The following SPICE1 variants were observed in gnomAD, a reference collection of about 807,000 sequenced individuals.
SPICE1 encodes spindle and centriole associated protein 1, also known as spindle and centriole-associated protein 1.
SPICE1 carries 75 observed loss-of-function variants against 102.7 expected under a neutral mutation model. That is an observed-to-expected ratio of 0.73 (90% CI 0.61 to 0.88). The LOEUF (loss-of-function observed/expected upper bound fraction) is 0.88. Among genes scored for constraint, SPICE1 ranks in the 40% least tolerant of loss-of-function variants. SPICE1 has a pLI of 0.00. For missense variants in SPICE1, 979 were observed against 1,020.1 expected (o/e 0.96, Z 0.55); for synonymous variants, 308 against 350.3 (o/e 0.88, Z 1.35).
intron 1 of SPICE1, chr3:113,514,335 AGAACT>A (rs1285866283): frequency 4.2e-6 from 1 of 235,580 alleles, no homozygotes; most frequent in African/African-American, 2.6e-5. Context: ...AAGAGAAACA[AGAACT>A]CTTTCCAAAC....
At position 113,484,674 on chromosome 3, in the gene SPICE1, G is replaced by A. The variant is rs532101294; in HGVS notation, c.611+4271C>T. ...CAGGAGCAGGTTGTTCAGTTTCCAC[G>A]TAGTTGTGCGGTTTTGAGTGAGTTT... On this transcript the variant is annotated intron_variant, in intron 7 of 17. Transcript: ENST00000295872. Among the ~76,000 whole-genome samples, 126 of 144,712 alleles carry A rather than the reference G, an allele frequency of 8.7e-4. 1 individual carries two copies. Among genetic ancestry groups the A allele is most frequent in the African/African-American group, 3.1e-3 (120 of 38,900 alleles). 94.9% of individuals were successfully genotyped at this position (144,712 alleles called of 152,430 possible).
At chr3:113,497,179 G>A (rs2107498921) in intron 4 of SPICE1, among the ~76,000 whole-genome samples, 1 of 152,172 alleles carries the variant, frequency 6.6e-6, no homozygotes, top group East Asian at 1.9e-4. Flanking sequence ...GTTTCCTGCT[G>A]GCTGGCATAT....
chr3:113,490,273 T>C (rs1003068774), intron 6 of SPICE1, among the ~76,000 whole-genome samples: 5 of 152,242 alleles, frequency 3.3e-5, no homozygotes, highest in African/African-American at 1.2e-4. Context: ...TGAAATGCTA[T>C]TAATTTCCAA....
chr3:113,474,959 A>C (rs1936302101), intron 7 of SPICE1, among the ~76,000 whole-genome samples: 1 of 152,230 alleles, frequency 6.6e-6, no homozygotes, highest in Non-Finnish European at 1.5e-5. Flanking sequence ...AAACAGAGAC[A>C]CAAAAAAACC....
At chr3:113,472,262 G>A (rs895075419) in intron 7 of SPICE1, among the ~76,000 whole-genome samples, 2 of 152,256 alleles carry the variant, frequency 1.3e-5, no homozygotes, top group Non-Finnish European at 2.9e-5. Flanking sequence ...GGCTTGCTTA[G>A]GTAAACAAAG....
At chr3:113,446,764 C>A in intron 16 of SPICE1, 88 bp from the exon 17 acceptor site, 1 of 1,040,468 alleles carries the variant, frequency 9.6e-7, no homozygotes. Context: ...ATTCTCAATA[C>A]TGGCAAGAGC....
chr3:113,481,206 A>G (rs560260007), intron 7 of SPICE1, among the ~76,000 whole-genome samples: 1 of 152,314 alleles, frequency 6.6e-6, no homozygotes, highest in Non-Finnish European at 1.5e-5. Flanking sequence ...AAGTAGCAGA[A>G]TATCAAGGCA....
At chr3:113,480,801 C>G (rs1156361176) in intron 7 of SPICE1, among the ~76,000 whole-genome samples, 1 of 151,654 alleles carries the variant, frequency 6.6e-6, no homozygotes. Context: ...AGGTGAGAGG[C>G]TGAGGTGAGA....
In SPICE1 at chr3:113,446,563, T is replaced by C. The variant is rs376515443; in HGVS notation, c.2514+26A>G. 48 of 1,575,740 alleles carry C rather than the reference T, an allele frequency of 3.0e-5. No homozygotes were observed. In the African/African-American group the frequency reaches 6.3e-4, roughly 21 times the overall value. On this transcript the variant is annotated intron_variant, in intron 17 of 17. Transcript: ENST00000295872. ...CCTTCTACCCTCACCCCTATATGCA[T>C]TTCACAATTACATTTTAACGTGTAC...
chr3:113,453,381 T>C, intron 14 of SPICE1, 85 bp downstream of exon 14: 1 of 1,499,784 alleles, frequency 6.7e-7, no homozygotes, highest in East Asian at 2.3e-5. Flanking sequence ...GGATCACTTC[T>C]GAAAAGAAGT....
chr3:113,453,230 T>C lies in SPICE1; in HGVS notation c.2142+236A>G, dbSNP rs577655111. On this transcript the variant is annotated intron_variant, in intron 14 of 17. Coordinates refer to ENST00000295872, the MANE Select transcript of SPICE1 (RefSeq NM_144718.4). The stretch of plus-strand genomic sequence containing the variant: ...AACTTAATCTTAGCTTTCCTACGCA[T>C]TTTATCTTTGTCCTATTTTCATTTA... Among the ~76,000 whole-genome samples the C allele has an allele frequency of 3.3e-5, 5 of 152,356 alleles. No individual in the cohort carries two copies. In the South Asian group the frequency reaches 1.0e-3, roughly 32 times the overall value.
intron 13 of SPICE1, among the ~76,000 whole-genome samples, chr3:113,455,863 T>C (rs1266217683): frequency 1.3e-5 from 2 of 152,226 alleles, no homozygotes; most frequent in African/African-American, 4.8e-5. Context: ...AAGCATTTAG[T>C]ACGGTTGTGA....
chr3:113,470,247 A>C (rs895381810), intron 7 of SPICE1, among the ~76,000 whole-genome samples: 2 of 152,214 alleles, frequency 1.3e-5, no homozygotes, highest in Non-Finnish European at 2.9e-5. Context: ...ATGTTTTGAG[A>C]AGTTTTCAGC....
At chr3:113,470,690 G>A (rs1936174017) in intron 7 of SPICE1, among the ~76,000 whole-genome samples, 1 of 152,222 alleles carries the variant, frequency 6.6e-6, no homozygotes, top group Admixed American at 6.5e-5. Context: ...TGTGGCCAGA[G>A]CTGCAGATCC....
At chr3:113,505,952 G>T (rs1263645539) in intron 2 of SPICE1, among the ~76,000 whole-genome samples, 2 of 152,122 alleles carry the variant, frequency 1.3e-5, no homozygotes, top group Non-Finnish European at 2.9e-5. Flanking sequence ...GCAATATTCA[G>T]GTTAGGAGCC....
At chr3:113,462,153 C>G (rs1935946800) in intron 11 of SPICE1, among the ~76,000 whole-genome samples, 1 of 152,178 alleles carries the variant, frequency 6.6e-6, no homozygotes, top group African/African-American at 2.4e-5. Context: ...AACTTGATCA[C>G]TTTTCACACC....
At chr3:113,490,664 T>C (rs374249590) in intron 6 of SPICE1, among the ~76,000 whole-genome samples, 29 of 151,896 alleles carry the variant, frequency 1.9e-4, no homozygotes, top group African/African-American at 6.0e-4. Context: ...AAAAAATCCC[T>C]ACTCAATAGG....
chr3:113,493,595 A>C (rs1420032593), intron 5 of SPICE1, among the ~76,000 whole-genome samples: 1 of 152,244 alleles, frequency 6.6e-6, no homozygotes. Context: ...ATAGATTGCC[A>C]AGCCGGAATT....
intron 3 of SPICE1, among the ~76,000 whole-genome samples, chr3:113,500,582 T>C (rs1936990451): frequency 6.6e-6 from 1 of 152,080 alleles, no homozygotes; most frequent in Non-Finnish European, 1.5e-5. Flanking sequence ...TGATGTGTTC[T>C]CTGGAATTTG....
Sources: gnomAD v4.1 joint callset for allele counts (sites outside exome capture counted in the v4.1 genomes callset) on GRCh38, gnomAD v4.1.1 for gene constraint, MANE v1.5 for transcripts, NCBI Gene and HGNC (gene_info 2026-07-23, HGNC 2026-07-21) for gene names.